Variants in CDH12 observed in about 807,000 individuals in gnomAD.
CDH12 encodes cadherin-12.
A neutral mutation model predicts 74.1 loss-of-function variants in CDH12; 41 were observed. The observed-to-expected ratio is 0.55, with a 90% CI of 0.43 to 0.72. The LOEUF is 0.72. CDH12 is among the 30% of genes least tolerant of loss of function. The probability of loss-of-function intolerance (pLI) is 0.00; values close to 1 mark genes in which losing one functional copy is unlikely to be tolerated. For missense variants in CDH12, 945 were observed against 977.2 expected, an observed-to-expected ratio of 0.97 and a Z score of 0.44; for synonymous variants, 399 against 355.0, an observed-to-expected ratio of 1.12 and a Z score of -1.39.
intron 6 of CDH12, among the ~76,000 whole-genome samples, chr5:21,873,742 T>A (rs189419139): frequency 6.6e-6 from 1 of 152,324 alleles, no homozygotes; most frequent in African/African-American, 2.4e-5. Context: ...CACCTAGGTA[T>A]TTAGCCCAAC....
chr5:21,802,207 C>T lies in CDH12; in HGVS notation c.1216G>A (p.Val406Ile). ...CCTACATCCAGGTCTTGAGCAGTGA[C>T]AGCGCCAATGATGGTCCCTACCGGA... ...DTPVGTIIGA[V>I]TAQDLDVGSS... Residue 406 changes from valine (V) to isoleucine (I), a missense_variant, in exon 10 of 15, where the codon GTC becomes ATC. Val to Ile is a conservative substitution (Grantham distance 29, BLOSUM62 3). Coordinates refer to ENST00000382254, the MANE Select transcript of CDH12 (RefSeq NM_004061.5). 6.2e-7 allele frequency: 1 copy of T among 1,613,896 alleles called. No individual in the cohort carries two copies. Among genetic ancestry groups the T allele is most frequent in the Non-Finnish European group, 8.5e-7 (1 of 1,179,910 alleles).
At chr5:22,430,978 T>C (rs1363165427) in intron 2 of CDH12, among the ~76,000 whole-genome samples, 1 of 152,188 alleles carries the variant, frequency 6.6e-6, no homozygotes, top group Non-Finnish European at 1.5e-5. Flanking sequence ...AGTCTATTTA[T>C]ATGAACAAGT....
At chr5:22,254,996 G>T (rs1451118796) in intron 3 of CDH12, among the ~76,000 whole-genome samples, 1 of 151,694 alleles carries the variant, frequency 6.6e-6, no homozygotes, top group East Asian at 1.9e-4. Flanking sequence ...CCATCTAACT[G>T]TATTTTTGTA....
intron 3 of CDH12, among the ~76,000 whole-genome samples, chr5:22,286,142 A>C (rs547330148): frequency 6.6e-6 from 1 of 152,192 alleles, no homozygotes; most frequent in South Asian, 2.1e-4. Flanking sequence ...CTCATGCATT[A>C]TTTCCCAATT....
rs1409962592 is a variant in CDH12, at chr5:21,841,200, T to C, written c.814+961A>G. Among the ~76,000 whole-genome samples the C allele has an allele frequency of 8.6e-5, 13 of 151,608 alleles. No individual in the cohort carries two copies. The South Asian group carries it at 1.7e-3, about 19-fold the overall frequency. ...ACCCCATCAAAAAGTGGGCAAAGGA[T>C]ATGAACAGACACTTCTCAAAAGAAG... On this transcript the variant is annotated intron_variant, in intron 8 of 14. Coordinates refer to ENST00000382254, the MANE Select transcript of CDH12 (RefSeq NM_004061.5).
chr5:22,086,287 G>A (rs750689951), intron 4 of CDH12, among the ~76,000 whole-genome samples: 2 of 151,862 alleles, frequency 1.3e-5, no homozygotes, highest in African/African-American at 2.4e-5. Flanking sequence ...TCTCAAGTAT[G>A]TTAGGAAGCC....
intron 3 of CDH12, among the ~76,000 whole-genome samples, chr5:22,379,737 C>A (rs549843082): frequency 4.6e-5 from 7 of 152,054 alleles, no homozygotes; most frequent in Non-Finnish European, 1.0e-4. Context: ...AGCTTCACTG[C>A]AACTTTTTAT....
At chr5:21,870,876 C>T (rs913921135) in intron 6 of CDH12, among the ~76,000 whole-genome samples, 14 of 152,100 alleles carry the variant, frequency 9.2e-5, no homozygotes, top group African/African-American at 3.1e-4. Context: ...GGACTATAGG[C>T]GTATGCTACC....
At chr5:22,023,079 C>G (rs1228570841) in intron 5 of CDH12, among the ~76,000 whole-genome samples, 2 of 152,162 alleles carry the variant, frequency 1.3e-5, no homozygotes, top group Non-Finnish European at 2.9e-5. Context: ...ACTGTAGCAT[C>G]CAAATTCTAA....
At chr5:21,831,189 C>T (rs759469430) in intron 8 of CDH12, among the ~76,000 whole-genome samples, 3 of 152,084 alleles carry the variant, frequency 2.0e-5, no homozygotes, top group Non-Finnish European at 2.9e-5. Context: ...AGGGCTCCTA[C>T]TCCTAGCTAC....
rs548215203 is a variant in CDH12 at position 22,309,823 on chromosome 5, T to C, written c.-333+95434A>G. On this transcript the variant is annotated intron_variant, in intron 3 of 14. Transcript: ENST00000382254. ...TTGATTGATAGTTTCTGCCAGTCAA[T>C]ATTCTTCCAAAATAAACCCCTTCAG... 2.0e-3 allele frequency among the ~76,000 whole-genome samples: 299 copies of C among 151,972 alleles called. 1 individual carries two copies. Among genetic ancestry groups the C allele is most frequent in the Non-Finnish European group, 3.4e-3 (233 of 67,972 alleles).
intron 1 of CDH12, among the ~76,000 whole-genome samples, chr5:22,776,671 G>A (rs1747120457): frequency 6.6e-6 from 1 of 152,142 alleles, no homozygotes; most frequent in Admixed American, 6.6e-5. Context: ...TTTTAGAACT[G>A]TGATAAAGAC....
At chr5:22,755,748 C>T (rs1745863323) in intron 1 of CDH12, among the ~76,000 whole-genome samples, 1 of 152,028 alleles carries the variant, frequency 6.6e-6, no homozygotes, top group South Asian at 2.1e-4. Context: ...GGCAATATTA[C>T]ATTTCTAAAG....
intron 3 of CDH12, among the ~76,000 whole-genome samples, chr5:22,331,812 T>C (rs1221956411): frequency 2.0e-5 from 3 of 152,044 alleles, no homozygotes; most frequent in African/African-American, 7.2e-5. Flanking sequence ...AACAAACATG[T>C]TGAAATAACC....
chr5:22,604,487 T>A (rs1054651806), intron 1 of CDH12, among the ~76,000 whole-genome samples: 1 of 152,200 alleles, frequency 6.6e-6, no homozygotes, highest in Non-Finnish European at 1.5e-5. Flanking sequence ...CTCACTTTAA[T>A]AGTCTAGGCA....
At chr5:22,219,697 T>C (rs572268313) in intron 3 of CDH12, among the ~76,000 whole-genome samples, 41 of 151,790 alleles carry the variant, frequency 2.7e-4, no homozygotes, top group Middle Eastern at 3.4e-3. Flanking sequence ...GGTAAAAATA[T>C]CAGAGATTTG....
At chr5:22,787,125 A>C (rs1747675643) in intron 1 of CDH12, among the ~76,000 whole-genome samples, 1 of 151,532 alleles carries the variant, frequency 6.6e-6, no homozygotes, top group Non-Finnish European at 1.5e-5. Context: ...AGGACCTCTA[A>C]AACACACACA....
At chr5:22,527,298 G>A (rs1737331124) in intron 1 of CDH12, among the ~76,000 whole-genome samples, 1 of 152,104 alleles carries the variant, frequency 6.6e-6, no homozygotes, top group Non-Finnish European at 1.5e-5. Context: ...ACTGGCTTAT[G>A]TTTGGGAATT....
intron 1 of CDH12, among the ~76,000 whole-genome samples, chr5:22,624,963 T>C (rs921064722): frequency 6.6e-6 from 1 of 152,190 alleles, no homozygotes; most frequent in Non-Finnish European, 1.5e-5. Context: ...ATATACACCA[T>C]GGAATACTAT....
Sources: gnomAD v4.1 joint callset for allele counts (sites outside exome capture counted in the v4.1 genomes callset) on GRCh38, gnomAD v4.1.1 for gene constraint, MANE v1.5 for transcripts, NCBI Gene and HGNC (gene_info 2026-07-23, HGNC 2026-07-21) for gene names.